ARHGAP45: variants seen among roughly 807,000 people sequenced by gnomAD.
ARHGAP45 encodes Rho GTPase activating protein 45, also known as rho GTPase-activating protein 45.
In ARHGAP45, 56 loss-of-function variants were observed where a neutral mutation model predicts 116.1. The ratio of observed to expected loss-of-function variants is 0.48; its 90% CI spans 0.39 to 0.60. The LOEUF (loss-of-function observed/expected upper bound fraction) is 0.60. Among genes scored for constraint, ARHGAP45 ranks in the 20% least tolerant of loss-of-function variants. The pLI is 0.00. For missense variants in ARHGAP45, 1,622 were observed against 1,601.0 expected, an observed-to-expected ratio of 1.01 and a Z score of -0.22; for synonymous variants, 866 against 701.7, an observed-to-expected ratio of 1.23 and a Z score of -3.70.
intron 19 of ARHGAP45, 43 bp downstream of exon 19, chr19:1,082,004 G>A (rs1164298414): frequency 5.2e-6 from 8 of 1,543,842 alleles, no homozygotes; most frequent in Non-Finnish European, 7.0e-6. Flanking sequence ...TGGAAGGGGC[G>A]TAGCCAGGCA....
intron 8 of ARHGAP45, 42 bp from the exon 9 acceptor site, chr19:1,074,572 C>G: frequency 1.3e-6 from 2 of 1,495,708 alleles, no homozygotes; most frequent in South Asian, 2.6e-5. Context: ...GCCGCCCTGC[C>G]TCCATCCCTC....
At chr19:1,077,683 G>C (rs1462109419) in intron 10 of ARHGAP45, 174 bp from the exon 11 acceptor site, 2 of 1,468,364 alleles carry the variant, frequency 1.4e-6, no homozygotes, top group Non-Finnish European at 1.8e-6. Flanking sequence ...ACCGCGCCCG[G>C]CCACTCCTCC....
rs969387208 is a variant in ARHGAP45, at chr19:1,067,212, G to A, written c.-194G>A. ...GAGGCCGGGAAGGGTCGGGGGCGAG[G>A]CCGCGTCGCCGCCTCCCCGAAGCCT... On this transcript the variant is annotated 5_prime_UTR_variant, in exon 1 of 23. Transcript: ENST00000313093. 9 of 1,355,948 alleles carry A rather than the reference G, an allele frequency of 6.6e-6. No individual in the cohort carries two copies. Among genetic ancestry groups the A allele is most frequent in the Admixed American group, 7.9e-5 (2 of 25,326 alleles). The allele number at this position is 1,355,948 out of a possible 1,614,324, so 84.0% of individuals were successfully genotyped here.
intron 11 of ARHGAP45, among the ~76,000 whole-genome samples, chr19:1,079,035 C>T (rs1234367689): frequency 6.6e-6 from 1 of 151,682 alleles, no homozygotes; most frequent in African/African-American, 2.4e-5. Context: ...AAAAAATTAG[C>T]TGGGCGTAGT....
chr19:1,070,024 CT>C (rs1172788585), intron 2 of ARHGAP45, among the ~76,000 whole-genome samples: 2 of 151,930 alleles, frequency 1.3e-5, no homozygotes, highest in Non-Finnish European at 2.9e-5. Flanking sequence ...GAGATGGAGT[CT>C]CACTCTGTCG....
At chr19:1,082,168 G>C (rs1310039779) in intron 19 of ARHGAP45, among the ~76,000 whole-genome samples, 2 of 150,000 alleles carry the variant, frequency 1.3e-5, no homozygotes, top group African/African-American at 4.9e-5. Flanking sequence ...AGCGAGGCGG[G>C]GCCAGTTCTG....
intron 21 of ARHGAP45, 114 bp from the exon 22 acceptor site, chr19:1,084,124 C>T (rs1218082772): frequency 3.1e-6 from 3 of 970,048 alleles, no homozygotes; most frequent in African/African-American, 3.2e-5. Context: ...GGACAGACCG[C>T]CTGGGCAACA....
At chr19:1,067,113 C>T, upstream of ARHGAP45, 2 of 1,071,248 alleles carry the variant, frequency 1.9e-6, no homozygotes, top group East Asian at 5.0e-5. Context: ...AAGGCGGAAG[C>T]GGGGGGCGCG....
chr19:1,083,360 G>A lies in ARHGAP45; in HGVS notation c.2955+7G>A. ...GGAGACCCCCGGGGGCCAGGTGAGG[G>A]TGTGGGCCTGACCGGGGCTGGCCAC... On this transcript the variant is annotated splice_region_variant and intron_variant, in intron 21 of 22. Transcript: ENST00000313093. 6.5e-7 allele frequency: 1 copy of A among 1,541,864 alleles called. No individual in the cohort carries two copies. The highest frequency in any genetic ancestry group is 8.7e-7 in the Non-Finnish European group (1 of 1,147,250).
At chr19:1,066,496 G>A (rs756996178), upstream of ARHGAP45, 387 of 353,538 alleles carry the variant, frequency 1.1e-3, no homozygotes, top group Admixed American at 2.4e-3. Flanking sequence ...GGCCCACAGG[G>A]CTGCTGAGAG....
At chr19:1,084,399 A>G (rs1055254104) in intron 22 of ARHGAP45, 53 bp downstream of exon 22, 10 of 1,405,308 alleles carry the variant, frequency 7.1e-6, no homozygotes, top group African/African-American at 5.8e-5. Flanking sequence ...TGTGCCACCC[A>G]TGGGCGCAGG....
At chr19:1,083,468 T>G in intron 21 of ARHGAP45, 115 bp downstream of exon 21, 3 of 958,876 alleles carry the variant, frequency 3.1e-6, no homozygotes, top group Non-Finnish European at 4.7e-6. Flanking sequence ...ATAATTTGGT[T>G]TGGACAGGGC....
intron 2 of ARHGAP45, among the ~76,000 whole-genome samples, chr19:1,070,730 C>T (rs1263423338): frequency 1.3e-5 from 2 of 151,686 alleles, no homozygotes; most frequent in African/African-American, 2.4e-5. Flanking sequence ...ACCGTTCTCC[C>T]GGCTCCGCCT....
intron 19 of ARHGAP45, 26 bp downstream of exon 19, chr19:1,081,987 C>G: frequency 6.2e-7 from 1 of 1,601,650 alleles, no homozygotes; most frequent in South Asian, 1.1e-5. Context: ...GGTGGCCAGG[C>G]AGAGCCTGGA....
chr19:1,078,224 A>C (rs1281396284), intron 11 of ARHGAP45, among the ~76,000 whole-genome samples, 179 bp downstream of exon 11: 1 of 150,270 alleles, frequency 6.7e-6, no homozygotes, highest in Non-Finnish European at 1.5e-5. Context: ...GCTCACTGCA[A>C]GCTCCGCCTC....
upstream of ARHGAP45, chr19:1,067,113 C>CG (rs1301895947): frequency 4.7e-6 from 5 of 1,071,140 alleles, no homozygotes; most frequent in Non-Finnish European, 4.6e-6. Flanking sequence ...AAGGCGGAAG[C>CG]GGGGGGCGCG....
rs1352100038 is a variant in ARHGAP45 at position 1,083,030 on chromosome 19, G to A, written c.2708G>A (p.Arg903Gln). 1 of 1,544,608 alleles carries A rather than the reference G, an allele frequency of 6.5e-7. No homozygotes were observed. Among genetic ancestry groups the A allele is most frequent in the South Asian group, 1.2e-5 (1 of 84,912 alleles). ...ELLRDLPPEN[R>Q]ASLQYLLRHL... ...CTGCGGGACCTGCCGCCTGAGAACC[G>A]GGCCTCGCTGCAGTACCTGCTGCGT... Residue 903 changes from arginine (R) to glutamine (Q), a missense_variant, in exon 20 of 23, where the codon CGG (arginine) becomes CAG (glutamine). Transcript: ENST00000313093.
Position 1,083,265 on chromosome 19 carries a change from A to G in ARHGAP45, c.2867A>G (p.Tyr956Cys). 6.2e-7 allele frequency: 1 copy of G among 1,600,718 alleles called. No homozygotes were observed. The highest frequency in any genetic ancestry group is 8.5e-7 in the Non-Finnish European group (1 of 1,173,840). Reference protein sequence around the residue: ...ATVSLSSLVDYPHQARVIETL... With the variant: ...ATVSLSSLVDCPHQARVIETL... ...GTGTCCCTCTCCTCCCTGGTGGATT[A>G]TCCCCATCAGGCCCGCGTCATCGAG... Residue 956 changes from tyrosine (Y) to cysteine (C), a missense_variant, in exon 21 of 23, where the codon TAT becomes TGT. Tyr to Cys is a radical substitution (Grantham distance 194, BLOSUM62 -2). Around this residue, in one of 3 missense-constraint regions of ARHGAP45, gnomAD observed 1,334 missense variants for 1,263.8 expected, o/e 1.06. Coordinates refer to ENST00000313093, the MANE Select transcript of ARHGAP45 (RefSeq NM_012292.5).
Position 1,073,553 on chromosome 19 carries a change from A to G in ARHGAP45, c.613A>G (p.Lys205Glu). Reference protein sequence around the residue: ...NNDLEKQEFEKALETIAVAFS... With the variant: ...NNDLEKQEFEEALETIAVAFS... The stretch of plus-strand genomic sequence containing the variant: ...TGATCTGGAGAAACAGGAGTTCGAG[A>G]AGGCCCTGGAGACGATTGCTGTGGC... The change falls in exon 4 of 23, where the codon AAG becomes GAG. Residue 205 changes from lysine (K) to glutamate (E), a missense_variant. By Grantham distance (56) the Lys-to-Glu change is moderately conservative. Coordinates refer to ENST00000313093, the MANE Select transcript of ARHGAP45 (RefSeq NM_012292.5). 6.2e-7 allele frequency: 1 copy of G among 1,614,018 alleles called. No homozygotes were observed.
Sources: gnomAD v4.1 joint callset for allele counts (sites outside exome capture counted in the v4.1 genomes callset) on GRCh38, gnomAD v4.1.1 for gene constraint, gnomAD v4.1.1 regional missense constraint, MANE v1.5 for transcripts, NCBI Gene and HGNC (gene_info 2026-07-23, HGNC 2026-07-21) for gene names.